RAB37: variants seen among roughly 807,000 people sequenced by gnomAD.
RAB37 encodes ras-related protein Rab-37.
Under a neutral mutation model 33.1 loss-of-function variants are expected in RAB37, and 29 were observed. That is an observed-to-expected ratio of 0.88 (90% confidence interval 0.65 to 1.20). RAB37 has a LOEUF of 1.20. RAB37 is among the 50% of genes most tolerant of loss of function. RAB37 has a pLI of 0.00. For missense variants in RAB37, 299 were observed against 301.1 expected, an observed-to-expected ratio of 0.99 and a Z score of 0.05; for synonymous variants, 128 against 119.5, an observed-to-expected ratio of 1.07 and a Z score of -0.47.
At position 74,737,321 on chromosome 17, in the gene RAB37, G is replaced by A. The variant is rs773236613; in HGVS notation, c.49G>A (p.Glu17Lys). Residue 17 changes from glutamate to lysine, a missense_variant, in exon 1 of 9, where the codon GAG (glutamate) becomes AAG (lysine). Glu to Lys is a moderately conservative substitution (Grantham distance 56). Coordinates refer to ENST00000392613, the MANE Select transcript of RAB37 (RefSeq NM_001006638.3). ...TGCCACCCGGGATGGCGAGGCCCCC[G>A]AGCGCTCCCCGCCCTGCAGTCCGAG... ...AVATRDGEAP[E>K]RSPPCSPSYD... The A allele has an allele frequency of 1.9e-6, 3 of 1,577,524 alleles. No individual in the cohort carries two copies. The highest frequency in any genetic ancestry group is 2.3e-5 in the East Asian group (1 of 43,886).
At chr17:74,680,290 G>T (rs1013970636) in intron 1 of RAB37, among the ~76,000 whole-genome samples, 6 of 152,032 alleles carry the variant, frequency 3.9e-5, no homozygotes, top group African/African-American at 1.2e-4. Flanking sequence ...GTCACAGATG[G>T]TCACTACTTT....
chr17:74,741,052 G>A (rs1035165010), intron 2 of RAB37, among the ~76,000 whole-genome samples, 174 bp downstream of exon 2: 1 of 152,084 alleles, frequency 6.6e-6, no homozygotes, highest in African/African-American at 2.4e-5. Flanking sequence ...AAAGGAGACT[G>A]GGCAAGGTTG....
chr17:74,737,463 G>C (rs1237477202), intron 1 of RAB37, 98 bp downstream of exon 1: 1 of 1,319,692 alleles, frequency 7.6e-7, no homozygotes, highest in Non-Finnish European at 1.0e-6. Context: ...AGGCAGCTGC[G>C]TCTCCCAGAG....
At chr17:74,712,045 G>A (rs2034005094) in intron 1 of RAB37, among the ~76,000 whole-genome samples, 1 of 150,690 alleles carries the variant, frequency 6.6e-6, no homozygotes, top group African/African-American at 2.4e-5. Context: ...CCAAGTAGCT[G>A]GGACCATAGG....
At chr17:74,673,468 A>G (rs1340350466) in intron 1 of RAB37, among the ~76,000 whole-genome samples, 2 of 150,930 alleles carry the variant, frequency 1.3e-5, no homozygotes. Flanking sequence ...AATCAATTAC[A>G]AAATTTTCCT....
chr17:74,737,113 G>A (rs1315983161), upstream of RAB37: 1 of 1,599,938 alleles, frequency 6.3e-7, no homozygotes, highest in Non-Finnish European at 8.5e-7. Flanking sequence ...TCAGGGAACA[G>A]CAAGGTCCGA....
intron 1 of RAB37, among the ~76,000 whole-genome samples, chr17:74,728,784 T>C (rs769743411): frequency 1.3e-5 from 2 of 150,704 alleles, no homozygotes; most frequent in African/African-American, 2.5e-5. Flanking sequence ...TGTTTCTGTG[T>C]CATGTGTGTT....
chr17:74,735,702 C>G (rs1320770496), upstream of RAB37, among the ~76,000 whole-genome samples: 3 of 152,216 alleles, frequency 2.0e-5, no homozygotes, highest in Non-Finnish European at 4.4e-5. Flanking sequence ...GGTTATAGCA[C>G]GCTCACCTCC....
rs751341217 is a variant in RAB37 at position 74,740,891 on chromosome 17, C to T, written c.204+13C>T. On this transcript the variant is annotated intron_variant, in intron 2 of 8. Coordinates refer to ENST00000392613, the MANE Select transcript of RAB37 (RefSeq NM_001006638.3). ...CATAGACTTCAGGGTGAGGTGGCTG[C>T]AGGCACTTGCTTCCAGCAGAGAGCC... The T allele has an allele frequency of 4.5e-6, 7 of 1,570,284 alleles. No homozygotes were observed. Among genetic ancestry groups the T allele is most frequent in the Non-Finnish European group, 6.1e-6 (7 of 1,140,228 alleles).
At chr17:74,709,546 T>C (rs562703279) in intron 1 of RAB37, among the ~76,000 whole-genome samples, 5 of 152,232 alleles carry the variant, frequency 3.3e-5, no homozygotes, top group Admixed American at 2.6e-4. Context: ...TAGGACACCA[T>C]AAACCAAGAG....
upstream of RAB37, among the ~76,000 whole-genome samples, chr17:74,735,046 A>G (rs1264953087): frequency 6.9e-4 from 102 of 147,620 alleles, no homozygotes; most frequent in Middle Eastern, 3.4e-3. Flanking sequence ...AGAAAGAAAG[A>G]AAGAAAGAAA....
At chr17:74,710,474 A>G (rs2033863986) in intron 1 of RAB37, among the ~76,000 whole-genome samples, 2 of 152,248 alleles carry the variant, frequency 1.3e-5, no homozygotes, top group African/African-American at 4.8e-5. Context: ...GTTGGAAAGT[A>G]AAGTAGAAAA....
intron 2 of RAB37, among the ~76,000 whole-genome samples, chr17:74,741,616 C>T (rs112607667): frequency 0.012 from 1,805 of 147,368 alleles, 19 homozygotes; most frequent in Non-Finnish European, 0.017. Flanking sequence ...GCTGGGCTGG[C>T]CATGTTGGGA....
At chr17:74,672,581 T>C (rs2031730869) in intron 1 of RAB37, 1 of 152,152 alleles carries the variant, frequency 6.6e-6, no homozygotes, top group African/African-American at 2.4e-5. Context: ...AGCTTATATT[T>C]GAGGAAACTA....
At chr17:74,704,435 A>G (rs1252721641) in intron 1 of RAB37, 1 of 1,370,946 alleles carries the variant, frequency 7.3e-7, no homozygotes. Flanking sequence ...ACCAGGACAG[A>G]GCAGGCCCTG....
intron 1 of RAB37, among the ~76,000 whole-genome samples, chr17:74,722,296 A>G (rs546358371): frequency 2.3e-4 from 35 of 152,108 alleles, no homozygotes; most frequent in South Asian, 1.0e-3. Flanking sequence ...AAAAAAAAAA[A>G]AAAGAAAGAG....
In RAB37 at chr17:74,729,375, T is replaced by G; in HGVS notation, c.183+9T>G. On this transcript the variant is annotated intron_variant, in intron 2 of 7. Transcript: ENST00000340415. This position sits in a 1 kb window ranked among gnomAD's most constrained non-coding sequence, Gnocchi z 4.2. ...TGGGCATCGGATTCACGGTAAGCAC[T>G]GGCCGGCACTGCCAGCTCTGGGCCT... The G allele has an allele frequency of 6.3e-7, 1 of 1,599,098 alleles. No homozygotes were observed. Among genetic ancestry groups the G allele is most frequent in the Non-Finnish European group, 8.6e-7 (1 of 1,166,278 alleles).
Position 74,745,076 on chromosome 17 carries a change from C to T in RAB37, c.558C>T (p.Ala186=), listed in dbSNP as rs922568644. The part of the protein sequence containing the change: ...TGMNVELAFL[A]IAKELKYRAG... ...TGAATGTGGAGTTAGCCTTTCTGGC[C>T]ATCGCCAAGTGAGAGCTGGGCAGGG... The change falls in exon 8 of 9, where the codon GCC becomes GCT. Residue 186 remains alanine, a synonymous_variant. Coordinates refer to ENST00000392613, the MANE Select transcript of RAB37 (RefSeq NM_001006638.3). The surrounding 1 kb of genome is among the most constrained non-coding windows in gnomAD (Gnocchi z 4.5). 3 of 1,614,188 alleles carry T rather than the reference C, an allele frequency of 1.9e-6. No homozygotes were observed. The highest frequency in any genetic ancestry group is 3.3e-5 in the Admixed American group (2 of 60,032).
chr17:74,677,756 G>C (rs1445829145), intron 1 of RAB37, among the ~76,000 whole-genome samples: 1 of 152,162 alleles, frequency 6.6e-6, no homozygotes, highest in Non-Finnish European at 1.5e-5. Context: ...CAGCTGGTGT[G>C]GGGAGTGGTG....
Sources: gnomAD v4.1 joint callset for allele counts (sites outside exome capture counted in the v4.1 genomes callset) on GRCh38, gnomAD v4.1.1 for gene constraint, Gnocchi (gnomAD v3.1) non-coding constraint, MANE v1.5 for transcripts, NCBI Gene and HGNC (gene_info 2026-07-23, HGNC 2026-07-21) for gene names.